Variants in RAB28 observed in about 807,000 individuals in gnomAD.
The protein encoded by RAB28 is RAB28, member RAS oncogene family, also known as ras-related protein Rab-28.
A neutral mutation model predicts 31.7 loss-of-function variants in RAB28; 24 were observed. The ratio of observed to expected loss-of-function variants is 0.76; its 90% confidence interval spans 0.55 to 1.06. The LOEUF is 1.06. Ranked by LOEUF, RAB28 falls within the 50% of genes least tolerant of loss-of-function variation. The pLI is 0.00. For missense variants in RAB28, 254 were observed against 258.5 expected (o/e 0.98, Z 0.12); for synonymous variants, 100 against 90.4 (o/e 1.11, Z -0.60).
chr4:13,381,418 T>C lies in RAB28; in HGVS notation c.495+73A>G, dbSNP rs536514997. 414 of 1,070,638 alleles carry C rather than the reference T, an allele frequency of 3.9e-4. 1 individual carries two copies. The highest frequency in any genetic ancestry group is 1.2e-3 in the Middle Eastern group (4 of 3,348). The allele number at this position is 1,070,638 out of a possible 1,614,324, so 66.3% of individuals were successfully genotyped here. On this transcript the variant is annotated intron_variant, in intron 5 of 6. Coordinates refer to ENST00000330852, the MANE Select transcript of RAB28 (RefSeq NM_001017979.3). ...TTAATTTGCTCCAAAAGTTAAATAG[T>C]GGAAGTATACTTCCTAGGAATGTTA...
rs961358743 is a variant in RAB28 at position 13,484,188 on chromosome 4, G to T, written c.-38C>A. 3 of 1,532,066 alleles carry T rather than the reference G, an allele frequency of 2.0e-6. No homozygotes were observed. The highest frequency in any genetic ancestry group is 1.9e-5 in the Admixed American group (1 of 52,602). The allele number at this position is 1,532,066 out of a possible 1,614,324, so 94.9% of individuals were successfully genotyped here. On this transcript the variant is annotated 5_prime_UTR_variant, in exon 1 of 7. Transcript: ENST00000330852. ...ACCAGGCCCGCCCCTCGAGGTGGGGGGGGAAGGGAAGGATGAAGGCTCCGG... is the reference window on the plus strand; with the variant it reads ...ACCAGGCCCGCCCCTCGAGGTGGGGTGGGAAGGGAAGGATGAAGGCTCCGG...
chr4:13,424,753 A>AATTT (rs1180342767), intron 4 of RAB28, among the ~76,000 whole-genome samples: 1 of 152,198 alleles, frequency 6.6e-6, no homozygotes, highest in Non-Finnish European at 1.5e-5. Context: ...CCTGAAGTTA[A>AATTT]ACCCTCTTTT....
At chr4:13,435,194 T>A (rs1714033440) in intron 4 of RAB28, among the ~76,000 whole-genome samples, 1 of 150,978 alleles carries the variant, frequency 6.6e-6, no homozygotes, top group Admixed American at 6.6e-5. Context: ...TGAAAATAGA[T>A]AATATACCCA....
chr4:13,377,007 G>A (rs529595231), intron 5 of RAB28, among the ~76,000 whole-genome samples: 21 of 152,122 alleles, frequency 1.4e-4, no homozygotes, highest in East Asian at 3.9e-4. Flanking sequence ...TTTCACTGTC[G>A]GTTTTATCTT....
Position 13,484,290 on chromosome 4 carries a change from C to G in RAB28, c.-140G>C. ...TGTCTCCGCGCCGGCAGGAGGTATT[C>G]GAGGAGAATCACTCGGCAAGCGCCA... is the stretch of plus-strand genomic sequence containing the variant. On this transcript the variant is annotated 5_prime_UTR_variant, in exon 1 of 7. Transcript: ENST00000330852. 1 of 663,294 alleles carries G rather than the reference C, an allele frequency of 1.5e-6. No homozygotes were observed. The highest frequency in any genetic ancestry group is 1.8e-5 in the African/African-American group (1 of 55,776). 41.1% of individuals were successfully genotyped at this position (663,294 alleles called of 1,614,324 possible).
At chr4:13,427,904 C>T (rs1468071980) in intron 4 of RAB28, among the ~76,000 whole-genome samples, 3 of 152,164 alleles carry the variant, frequency 2.0e-5, no homozygotes, top group Non-Finnish European at 4.4e-5. Context: ...GTGCTTTATT[C>T]GGCTGGGAGC....
At chr4:13,398,208 G>T (rs1261658303) in intron 4 of RAB28, among the ~76,000 whole-genome samples, 1 of 151,956 alleles carries the variant, frequency 6.6e-6, no homozygotes, top group African/African-American at 2.4e-5. Flanking sequence ...AAAAATTTGT[G>T]CATATATCAT....
At chr4:13,401,977 T>A (rs994654305) in intron 4 of RAB28, among the ~76,000 whole-genome samples, 2 of 152,242 alleles carry the variant, frequency 1.3e-5, no homozygotes, top group African/African-American at 4.8e-5. Flanking sequence ...CTTTTTATTT[T>A]TGTTCAATTC....
At chr4:13,445,063 G>A (rs1714626758) in intron 4 of RAB28, among the ~76,000 whole-genome samples, 1 of 151,880 alleles carries the variant, frequency 6.6e-6, no homozygotes, top group South Asian at 2.1e-4. Flanking sequence ...ATTTCTTGGA[G>A]GTTTTGTGCA....
intron 4 of RAB28, among the ~76,000 whole-genome samples, chr4:13,389,463 C>T (rs10022846): frequency 0.017 from 2,601 of 152,124 alleles, 71 homozygotes; most frequent in African/African-American, 0.059. Context: ...TTTTTAACCA[C>T]CATTTGAAAA....
intron 5 of RAB28, among the ~76,000 whole-genome samples, chr4:13,380,073 G>A (rs371224412): frequency 1.6e-4 from 24 of 152,232 alleles, no homozygotes; most frequent in African/African-American, 5.8e-4. Flanking sequence ...AAGATTAAGT[G>A]AGGGTAGAAG....
intron 4 of RAB28, among the ~76,000 whole-genome samples, chr4:13,431,626 C>T (rs755234741): frequency 9.9e-5 from 15 of 151,994 alleles, no homozygotes; most frequent in East Asian, 5.8e-4. Flanking sequence ...TCCAATATAT[C>T]GCTACAACAA....
intron 4 of RAB28, among the ~76,000 whole-genome samples, chr4:13,391,726 TA>T (rs1729637979): frequency 6.6e-6 from 1 of 152,058 alleles, no homozygotes; most frequent in Non-Finnish European, 1.5e-5. Context: ...TATGCAGCCA[TA>T]AAAAAGGATG....
chr4:13,376,686 C>A, intron 5 of RAB28, 64 bp from the exon 6 acceptor site: 2 of 1,106,092 alleles, frequency 1.8e-6, no homozygotes, highest in East Asian at 5.1e-5. Flanking sequence ...TTCAAATAAA[C>A]AGAATTTTCT....
At chr4:13,475,241 G>A (rs1243382919) in intron 2 of RAB28, among the ~76,000 whole-genome samples, 1 of 151,496 alleles carries the variant, frequency 6.6e-6, no homozygotes, top group Non-Finnish European at 1.5e-5. Flanking sequence ...AAATTTATGA[G>A]ATAAGCTATT....
intron 5 of RAB28, among the ~76,000 whole-genome samples, chr4:13,380,375 A>G (rs73229641): frequency 0.047 from 7,121 of 152,210 alleles, 312 homozygotes; most frequent in African/African-American, 0.12. Context: ...ATAGTCAAAT[A>G]GGGGTCAGTG....
chr4:13,407,471 G>C (rs1224704780), intron 4 of RAB28, among the ~76,000 whole-genome samples: 3 of 151,160 alleles, frequency 2.0e-5, no homozygotes, highest in Non-Finnish European at 3.0e-5. Flanking sequence ...GTTTGCTTCG[G>C]ATTGTCTTGC....
intron 2 of RAB28, among the ~76,000 whole-genome samples, chr4:13,475,203 C>T (rs1321519854): frequency 6.6e-6 from 1 of 151,514 alleles, no homozygotes; most frequent in African/African-American, 2.4e-5. Flanking sequence ...TCCTTTTGTG[C>T]ATTTTATAAA....
chr4:13,467,764 C>A (rs964682695), intron 3 of RAB28, among the ~76,000 whole-genome samples: 4 of 151,802 alleles, frequency 2.6e-5, no homozygotes, highest in Non-Finnish European at 4.4e-5. Context: ...ACAAACATGA[C>A]AGATGTTAAC....
Sources: allele counts gnomAD v4.1 joint callset (sites outside exome capture counted in the v4.1 genomes callset), GRCh38; gene constraint gnomAD v4.1.1; transcripts MANE v1.5; gene names NCBI Gene and HGNC (gene_info 2026-07-23, HGNC 2026-07-21).